TSGA10: variants seen among roughly 807,000 people sequenced by gnomAD.
TSGA10 encodes testis-specific gene 10 protein.
A neutral mutation model predicts 96.6 loss-of-function variants in TSGA10; 43 were observed. That is an observed-to-expected ratio of 0.44 (90% CI 0.35 to 0.57). The LOEUF (loss-of-function observed/expected upper bound fraction) is 0.57. Ranked by LOEUF, TSGA10 falls within the 20% of genes least tolerant of loss-of-function variation. TSGA10 has a pLI of 0.01. For missense variants in TSGA10, 703 were observed against 834.4 expected (o/e 0.84, Z 1.94); for synonymous variants, 229 against 269.9 (o/e 0.85, Z 1.48).
chr2:99,067,762 G>A (rs777026881), intron 15 of TSGA10, among the ~76,000 whole-genome samples: 5 of 151,698 alleles, frequency 3.3e-5, no homozygotes, highest in South Asian at 4.2e-4. Context: ...CAGGAGAATC[G>A]CTTGAACATG....
At chr2:99,133,026 G>C (rs1303369811) in intron 1 of TSGA10, among the ~76,000 whole-genome samples, 3 of 152,152 alleles carry the variant, frequency 2.0e-5, no homozygotes, top group African/African-American at 7.2e-5. Context: ...GTCAATTTTA[G>C]AATAAGTGTG....
At chr2:99,138,018 C>T (rs929296309) in intron 1 of TSGA10, among the ~76,000 whole-genome samples, 2 of 152,110 alleles carry the variant, frequency 1.3e-5, no homozygotes, top group African/African-American at 2.4e-5. Context: ...AAACCTCAGA[C>T]ATTGATTCTG....
Position 99,118,625 on chromosome 2 carries a change from C to A in TSGA10, c.-430G>T, listed in dbSNP as rs2092409477. ...AGGAACACAGCTTTCCTTCCCAGCCCACTATCAAACCATCAATGGATGAAG... is the reference window on the plus strand; with the variant it reads ...AGGAACACAGCTTTCCTTCCCAGCCAACTATCAAACCATCAATGGATGAAG... On this transcript the variant is annotated 5_prime_UTR_variant, in exon 3 of 21. Transcript: ENST00000393483. The A allele has an allele frequency of 1.0e-6, 1 of 984,560 alleles. No homozygotes were observed. The highest frequency in any genetic ancestry group is 1.8e-5 in the African/African-American group (1 of 57,058). 61.0% of individuals were successfully genotyped at this position (984,560 alleles called of 1,614,324 possible).
In TSGA10 at chr2:99,081,360, T is replaced by C; in HGVS notation, c.649A>G (p.Thr217Ala). 1 of 1,586,684 alleles carries C rather than the reference T, an allele frequency of 6.3e-7. No homozygotes were observed. Among genetic ancestry groups the C allele is most frequent in the Non-Finnish European group, 8.6e-7 (1 of 1,166,894 alleles). ...TTTTTCTTAGCAAGGTGTCGCTGAG[T>C]ATCAGAAAGATCTTTTTCTGTGTTT... ...YENTEKDLSDTQRHLAKKKYE... is the reference protein window; with the variant it reads ...YENTEKDLSDAQRHLAKKKYE... The change falls in exon 11 of 21, where the codon ACT (threonine) becomes GCT (alanine). Residue 217 changes from threonine to alanine, a missense_variant. Transcript: ENST00000393483.
At chr2:99,094,042 T>TA (rs2089697609) in intron 10 of TSGA10, among the ~76,000 whole-genome samples, 2 of 152,262 alleles carry the variant, frequency 1.3e-5, no homozygotes, top group South Asian at 4.1e-4. Context: ...ATGGTACTGA[T>TA]ATAAAAATAG....
At chr2:99,087,181 G>T (rs761631139) in intron 10 of TSGA10, among the ~76,000 whole-genome samples, 27 of 151,872 alleles carry the variant, frequency 1.8e-4, no homozygotes, top group Non-Finnish European at 3.7e-4. Flanking sequence ...TCCAGCCTGG[G>T]CGACAGTGCA....
chr2:99,142,117 G>A (rs2093571784), intron 1 of TSGA10: 1 of 152,244 alleles, frequency 6.6e-6, no homozygotes, highest in Non-Finnish European at 1.5e-5. Flanking sequence ...TGACAAATGA[G>A]CTTTTTAGTG....
At chr2:99,006,036 A>G (rs1344480357) in intron 20 of TSGA10, among the ~76,000 whole-genome samples, 1 of 152,222 alleles carries the variant, frequency 6.6e-6, no homozygotes, top group African/African-American at 2.4e-5. Context: ...AAAACAAGAA[A>G]TGGGGAAAGG....
chr2:99,142,180 G>A (rs2093572911), intron 1 of TSGA10: 2 of 152,328 alleles, frequency 1.3e-5, no homozygotes, highest in South Asian at 4.1e-4. Context: ...CCAGAATGGG[G>A]GGGAAAAAAG....
At chr2:99,118,111 TAA>T (rs925044561) in intron 3 of TSGA10, among the ~76,000 whole-genome samples, 14 of 152,234 alleles carry the variant, frequency 9.2e-5, no homozygotes, top group African/African-American at 2.9e-4. Context: ...TTAATACCAT[TAA>T]GAGTTCTTTT....
At chr2:99,058,367 C>T (rs182196086) in intron 16 of TSGA10, among the ~76,000 whole-genome samples, 2 of 152,030 alleles carry the variant, frequency 1.3e-5, no homozygotes, top group African/African-American at 2.4e-5. Context: ...AAAATACATA[C>T]CTTAAATGCT....
chr2:99,043,846 A>C (rs1314037628), intron 16 of TSGA10, among the ~76,000 whole-genome samples: 2 of 152,210 alleles, frequency 1.3e-5, no homozygotes, highest in Non-Finnish European at 2.9e-5. Context: ...CAGAAATGCT[A>C]CAAGCCAGAA....
chr2:99,005,583 A>C (rs1458042927), intron 20 of TSGA10, among the ~76,000 whole-genome samples: 5 of 152,066 alleles, frequency 3.3e-5, no homozygotes, highest in African/African-American at 4.8e-5. Flanking sequence ...TCCAACTTAC[A>C]AGGGATATGA....
In TSGA10 at chr2:99,064,950, C is replaced by G. The variant is rs1227412458; in HGVS notation, c.1393G>C (p.Glu465Gln). 1 of 1,590,434 alleles carries G rather than the reference C, an allele frequency of 6.3e-7. No individual in the cohort carries two copies. The highest frequency in any genetic ancestry group is 2.3e-5 in the East Asian group (1 of 44,444). ...TTTTCCAAACTTACTTGCTCAACCT[C>G]TCTGTTGAGGGAATCTACTTTTTCT... ...LKEKVDSLNR[E>Q]VEQHLNAERS... Residue 465 changes from glutamate (E) to glutamine (Q), a missense_variant, in exon 16 of 21, where the codon GAG (glutamate) becomes CAG (glutamine). Glu to Gln is a conservative substitution (Grantham distance 29). Around this residue, in one of 3 missense-constraint regions of TSGA10, gnomAD observed 585 missense variants for 656.8 expected, o/e 0.89. Transcript: ENST00000393483.
chr2:99,048,496 C>A (rs549722646), intron 16 of TSGA10, among the ~76,000 whole-genome samples: 74 of 152,208 alleles, frequency 4.9e-4, no homozygotes, highest in South Asian at 3.9e-3. Flanking sequence ...TTCCCTATTT[C>A]ATAAATGGTG....
At chr2:99,035,983 A>C (rs2081589203) in intron 16 of TSGA10, among the ~76,000 whole-genome samples, 1 of 152,070 alleles carries the variant, frequency 6.6e-6, no homozygotes, top group South Asian at 2.1e-4. Context: ...TTAAGTATAT[A>C]TCCACATTAT....
chr2:99,139,056 T>A (rs756078368), intron 1 of TSGA10, among the ~76,000 whole-genome samples: 3 of 152,154 alleles, frequency 2.0e-5, no homozygotes, highest in Non-Finnish European at 2.9e-5. Context: ...GCCCAGGAAT[T>A]TGAGACCAGC....
rs1309115988 is a variant in TSGA10 at position 99,102,290 on chromosome 2, C to T, written c.611+1677G>A. ...TGATGAAGAAAGGAGATGTGGAGGGCAGTCAGTCTCAAGATGAAGGAGAAG... is the reference window on the plus strand; with the variant it reads ...TGATGAAGAAAGGAGATGTGGAGGGTAGTCAGTCTCAAGATGAAGGAGAAG... On this transcript the variant is annotated intron_variant, in intron 10 of 20. Coordinates refer to ENST00000393483, the MANE Select transcript of TSGA10 (RefSeq NM_025244.4). The T allele has an allele frequency of 8.1e-6, 13 of 1,610,764 alleles. No individual in the cohort carries two copies. In the East Asian group the frequency reaches 2.9e-4, roughly 36 times the overall value.
chr2:99,055,501 T>G (rs1442223713), intron 16 of TSGA10, among the ~76,000 whole-genome samples: 3 of 151,904 alleles, frequency 2.0e-5, no homozygotes, highest in Non-Finnish European at 4.4e-5. Context: ...GGCAAGCATA[T>G]GAGGTGCTGG....
Sources: allele counts gnomAD v4.1 joint callset (sites outside exome capture counted in the v4.1 genomes callset), GRCh38; gene constraint gnomAD v4.1.1; regional missense constraint gnomAD v4.1.1; transcripts MANE v1.5; gene names NCBI Gene and HGNC (gene_info 2026-07-23, HGNC 2026-07-21).